Variants in ACTR10 observed in about 807,000 individuals in gnomAD.
ACTR10 encodes the protein actin-related protein 10.
A neutral mutation model predicts 56.2 loss-of-function variants in ACTR10; 43 were observed. That is an observed-to-expected ratio of 0.77 (90% CI 0.60 to 0.99). The LOEUF (loss-of-function observed/expected upper bound fraction) is 0.99, where lower values mean the gene tolerates loss of function less well. Among genes scored for constraint, ACTR10 ranks in the 50% least tolerant of loss-of-function variants. The pLI, the probability that ACTR10 is intolerant of heterozygous loss-of-function variation, is 0.00. For synonymous variants in ACTR10, 170 were observed against 176.3 expected (o/e 0.96, Z 0.28); for missense variants, 466 against 507.8 (o/e 0.92, Z 0.79).
At chr14:58,224,430 T>C (rs558606034) in intron 10 of ACTR10, among the ~76,000 whole-genome samples, 2 of 152,074 alleles carry the variant, frequency 1.3e-5, no homozygotes, top group African/African-American at 4.8e-5. Flanking sequence ...GTATTTTTAG[T>C]AGAGATGGGT....
At position 58,235,215 on chromosome 14, in the gene ACTR10, G is replaced by A. The variant is rs1490470273; in HGVS notation, c.*664G>A. The A allele has an allele frequency of 2.0e-5, 3 of 152,094 alleles. No homozygotes were observed. The highest frequency in any genetic ancestry group is 4.4e-5 in the Non-Finnish European group (3 of 68,018). The allele number at this position is 152,094 out of a possible 1,614,324, so 9.4% of individuals were successfully genotyped here. ...GTTTCCAGCAGTTACTCCATTTAAA[G>A]CATAAATAGTGTTAACCATTACCAG... On this transcript the variant is annotated 3_prime_UTR_variant, in exon 13 of 13. Coordinates refer to ENST00000254286, the MANE Select transcript of ACTR10 (RefSeq NM_018477.3).
At chr14:58,211,965 TC>T (rs1889011425) in intron 5 of ACTR10, among the ~76,000 whole-genome samples, 1 of 142,896 alleles carries the variant, frequency 7.0e-6, no homozygotes, top group Non-Finnish European at 1.5e-5. Flanking sequence ...ATACGTTTTT[TC>T]TTTTCTTTTT....
At chr14:58,210,544 G>C (rs547203861) in intron 4 of ACTR10, among the ~76,000 whole-genome samples, 2 of 152,006 alleles carry the variant, frequency 1.3e-5, no homozygotes, top group Admixed American at 1.3e-4. Context: ...AAAATATATA[G>C]TTCATATTAC....
intron 12 of ACTR10, among the ~76,000 whole-genome samples, 179 bp downstream of exon 12, chr14:58,232,446 C>G: frequency 8.2e-6 from 1 of 122,292 alleles, no homozygotes; most frequent in Non-Finnish European, 1.6e-5. Flanking sequence ...CGGAGTCTCA[C>G]TCTGTCGCCA....
chr14:58,205,112 T>C (rs1411784353), intron 2 of ACTR10, among the ~76,000 whole-genome samples: 1 of 151,586 alleles, frequency 6.6e-6, no homozygotes, highest in Non-Finnish European at 1.5e-5. Flanking sequence ...TCCCAGCTAC[T>C]CAGGAGGCTG....
chr14:58,219,520 T>C, intron 7 of ACTR10, 174 bp from the exon 8 acceptor site: 1 of 441,082 alleles, frequency 2.3e-6, no homozygotes, highest in Non-Finnish European at 4.0e-6. Flanking sequence ...CTTTGAATGA[T>C]GATATTTCTT....
intron 8 of ACTR10, among the ~76,000 whole-genome samples, chr14:58,220,559 G>T (rs566788135): frequency 1.0e-3 from 156 of 152,226 alleles, no homozygotes; most frequent in African/African-American, 3.7e-3. Flanking sequence ...CAGGTAAAAT[G>T]GTTTCCTTTC....
Position 58,211,312 on chromosome 14 carries a change from T to C in ACTR10, c.363T>C (p.Ala121=). ...KYFEVPSVLL[A]PSHLMALLTL... ...TCTAGGTTCCATCTGTCTTGCTTGCTCCAAGTCATCTAATGGCTCTTCTGA... is the reference window on the plus strand; with the variant it reads ...TCTAGGTTCCATCTGTCTTGCTTGCCCCAAGTCATCTAATGGCTCTTCTGA... Residue 121 remains alanine (A), a synonymous_variant, in exon 5 of 13, where the codon GCT becomes GCC. Transcript: ENST00000254286. 6.2e-7 allele frequency: 1 copy of C among 1,613,606 alleles called. No homozygotes were observed. The highest frequency in any genetic ancestry group is 8.5e-7 in the Non-Finnish European group (1 of 1,179,652).
rs912926596 is a variant in ACTR10, at chr14:58,210,955, G to A, written c.343-337G>A. 10 of 190,224 alleles carry A rather than the reference G, an allele frequency of 5.3e-5. No homozygotes were observed. In the South Asian group the frequency reaches 8.3e-4, roughly 16 times the overall value. 11.8% of individuals were successfully genotyped at this position (190,224 alleles called of 1,614,324 possible). On this transcript the variant is annotated intron_variant, in intron 4 of 12. Transcript: ENST00000254286. ...CTCCCAAAGTGCTGGGATTACAGGC[G>A]TGAGCCTCTGTGCCCAGCCTCTAGA...
chr14:58,202,426 A>G (rs968869298), intron 1 of ACTR10, among the ~76,000 whole-genome samples: 6 of 151,934 alleles, frequency 3.9e-5, no homozygotes, highest in Admixed American at 2.0e-4. Flanking sequence ...CTAAAAAAAA[A>G]AAAAAAAATT....
intron 10 of ACTR10, among the ~76,000 whole-genome samples, chr14:58,224,937 C>T (rs750739560): frequency 1.3e-5 from 2 of 151,024 alleles, no homozygotes; most frequent in African/African-American, 2.4e-5. Flanking sequence ...TGTGGTGAGC[C>T]GACATCGCAC....
Position 58,205,628 on chromosome 14 carries a change from A to T in ACTR10, c.151-2308A>T, listed in dbSNP as rs560521114. 2.6e-5 allele frequency among the ~76,000 whole-genome samples: 4 copies of T among 152,170 alleles called. No homozygotes were observed. In the South Asian group the frequency reaches 8.3e-4, roughly 32 times the overall value. ...CTGCGCTCGGCCCAGAAATCTTTTTAATTACACTTGATTAAGGAATCATTT... is the reference window on the plus strand; with the variant it reads ...CTGCGCTCGGCCCAGAAATCTTTTTTATTACACTTGATTAAGGAATCATTT... On this transcript the variant is annotated intron_variant, in intron 2 of 12. Coordinates refer to ENST00000254286, the MANE Select transcript of ACTR10 (RefSeq NM_018477.3).
chr14:58,223,942 T>A (rs1889341441), intron 10 of ACTR10, 86 bp downstream of exon 10: 11 of 1,005,270 alleles, frequency 1.1e-5, no homozygotes, highest in Non-Finnish European at 1.6e-5. Context: ...TTTATTTCAC[T>A]ATTGCCATTT....
At chr14:58,214,767 A>C (rs1889092221) in intron 6 of ACTR10, among the ~76,000 whole-genome samples, 1 of 148,604 alleles carries the variant, frequency 6.7e-6, no homozygotes, top group Non-Finnish European at 1.5e-5. Context: ...CTGGGATTAC[A>C]GGCGTGAGCC....
chr14:58,229,155 CAGAA>C (rs1262780506), intron 10 of ACTR10, among the ~76,000 whole-genome samples: 1 of 150,848 alleles, frequency 6.6e-6, no homozygotes, highest in Admixed American at 6.6e-5. Context: ...TATTGCCAGA[CAGAA>C]AGAAAAATAC....
intron 5 of ACTR10, 154 bp from the exon 6 acceptor site, chr14:58,213,477 A>G: frequency 2.1e-6 from 1 of 475,002 alleles, no homozygotes; most frequent in Non-Finnish European, 3.7e-6. Flanking sequence ...ATGAAAAAAA[A>G]CTTACTCTTT....
chr14:58,234,622 T>C lies in ACTR10; in HGVS notation c.*71T>C, dbSNP rs1889630825. 2 of 1,448,330 alleles carry C rather than the reference T, an allele frequency of 1.4e-6. No homozygotes were observed. Among genetic ancestry groups the C allele is most frequent in the Admixed American group, 2.0e-5 (1 of 50,182 alleles). The allele number at this position is 1,448,330 out of a possible 1,614,324, so 89.7% of individuals were successfully genotyped here. On this transcript the variant is annotated 3_prime_UTR_variant, in exon 13 of 13. Coordinates refer to ENST00000254286, the MANE Select transcript of ACTR10 (RefSeq NM_018477.3). ...AATTATAAGCAAATTGTACAAAGTA[T>C]GTAGGATGTTTTGTTATAGAGGACT...
chr14:58,216,553 A>T lies in ACTR10; in HGVS notation c.598+1269A>T, dbSNP rs59188435. Among the ~76,000 whole-genome samples the T allele has an allele frequency of 1.1e-4, 16 of 152,268 alleles. No individual in the cohort carries two copies. In the East Asian group the frequency reaches 2.9e-3, roughly 28 times the overall value. On this transcript the variant is annotated intron_variant, in intron 7 of 12. Transcript: ENST00000254286. ...TTTCTTCAAAATCTGAGTTTGTTCT[A>T]CCTCTTATCCTTAGGTCACTAAACT...
intron 10 of ACTR10, among the ~76,000 whole-genome samples, chr14:58,228,040 TGTG>T (rs1193794998): frequency 1.3e-5 from 2 of 152,182 alleles, no homozygotes; most frequent in African/African-American, 4.8e-5. Context: ...ATGTAGAGGT[TGTG>T]GTGAGCTGAG....
Sources: gnomAD v4.1 joint callset for allele counts (sites outside exome capture counted in the v4.1 genomes callset) on GRCh38, gnomAD v4.1.1 for gene constraint, MANE v1.5 for transcripts, NCBI Gene and HGNC (gene_info 2026-07-23, HGNC 2026-07-21) for gene names.